The following ZNF236 variants were observed in gnomAD, a reference collection of about 807,000 sequenced individuals.
ZNF236 encodes zinc finger protein 236.
A neutral mutation model predicts 191.2 loss-of-function variants in ZNF236; 50 were observed. The observed-to-expected ratio is 0.26, with a 90% CI of 0.21 to 0.33. ZNF236 has a LOEUF of 0.33. ZNF236 is among the 10% of genes least tolerant of loss of function. ZNF236 has a pLI of 1.00. For synonymous variants in ZNF236, 907 were observed against 928.8 expected, an observed-to-expected ratio of 0.98 and a Z score of 0.43; for missense variants, 1,754 against 2,374.5, an observed-to-expected ratio of 0.74 and a Z score of 5.43.
At chr18:76,836,537 C>T (rs1479262819) in intron 1 of ZNF236, among the ~76,000 whole-genome samples, 2 of 151,718 alleles carry the variant, frequency 1.3e-5, no homozygotes, top group Non-Finnish European at 2.9e-5. Context: ...CTTGATAGTG[C>T]CCTTTGATTC....
In ZNF236 at chr18:76,925,661, T is replaced by G. The variant is rs146565990; in HGVS notation, c.4027+107T>G. 2.2e-4 allele frequency: 307 copies of G among 1,418,964 alleles called. 1 individual carries two copies. In the African/African-American group the frequency reaches 4.0e-3, roughly 19 times the overall value. 87.9% of individuals were successfully genotyped at this position (1,418,964 alleles called of 1,614,324 possible). A position where few individuals can be genotyped will look rare whatever the true frequency, so the allele number is the denominator to read the frequency against. Reference sequence around the variant, plus strand: ...AGATGTTGTTTACCGTAGCACCACGTTTCCCTTCTTTGAGCCTTTTCCTTA... The same window carrying G: ...AGATGTTGTTTACCGTAGCACCACGGTTCCCTTCTTTGAGCCTTTTCCTTA... On this transcript the variant is annotated intron_variant, in intron 22 of 30. Coordinates refer to ENST00000320610, the MANE Select transcript of ZNF236 (RefSeq NM_001306089.2). The surrounding 1 kb of genome is among the most constrained non-coding windows in gnomAD (Gnocchi z 5.7).
intron 27 of ZNF236, among the ~76,000 whole-genome samples, chr18:76,950,596 T>G (rs1207857943): frequency 6.6e-6 from 1 of 152,006 alleles, no homozygotes; most frequent in Non-Finnish European, 1.5e-5. Context: ...TGTTGCCCAT[T>G]CCTCCACATC....
intron 9 of ZNF236, among the ~76,000 whole-genome samples, chr18:76,890,891 C>T (rs1257884438): frequency 6.6e-6 from 1 of 152,068 alleles, no homozygotes; most frequent in Non-Finnish European, 1.5e-5. Context: ...GAGAGCAAGA[C>T]CCCCGACTTC....
In ZNF236 at chr18:76,913,804, G is replaced by T. The variant is rs1967282588; in HGVS notation, c.2967G>T (p.Arg989=). 6.2e-7 allele frequency: 1 copy of T among 1,614,244 alleles called. No individual in the cohort carries two copies. The highest frequency in any genetic ancestry group is 8.5e-7 in the Non-Finnish European group (1 of 1,180,038). Residue 989 remains arginine (R), a synonymous_variant, in exon 18 of 31, where the codon CGG becomes CGT. Coordinates refer to ENST00000320610, the MANE Select transcript of ZNF236 (RefSeq NM_001306089.2). The part of the protein sequence containing the change: ...KKSSHLKQHV[R]SHTGEKPYKC... ...CCAGCCACCTGAAGCAGCATGTGCG[G>T]TCGCACACCGGGGAAAAGCCCTACA...
chr18:76,846,863 C>T (rs900450845), intron 1 of ZNF236, among the ~76,000 whole-genome samples: 5 of 151,758 alleles, frequency 3.3e-5, no homozygotes, highest in South Asian at 4.2e-4. Flanking sequence ...GGTGCAATCT[C>T]GGATCACTGC....
intron 20 of ZNF236, among the ~76,000 whole-genome samples, chr18:76,921,789 T>G (rs1967543482): frequency 7.7e-6 from 1 of 129,222 alleles, no homozygotes. Flanking sequence ...TCGCCCAGGC[T>G]GGAGTGCAGT....
At chr18:76,891,775 T>C (rs1568215313) in intron 9 of ZNF236, among the ~76,000 whole-genome samples, 1 of 152,190 alleles carries the variant, frequency 6.6e-6, no homozygotes, top group Non-Finnish European at 1.5e-5. Flanking sequence ...AGTCATGTTT[T>C]CCCAATTGAA....
rs1466658235 is a variant in ZNF236, at chr18:76,905,249, G to A, written c.2131G>A (p.Gly711Arg). ...CAAAGCACACATCAGAACACACACA[G>A]GACTGAAATCTTTCAAGTGTCTGAT... ...VLKAHIRTHT[G>R]LKSFKCLICN... The change falls in exon 13 of 31, where the codon GGA (glycine) becomes AGA (arginine). Residue 711 changes from glycine (G) to arginine (R), a missense_variant. Gly to Arg is a moderately radical substitution (Grantham distance 125, BLOSUM62 -2). Coordinates refer to ENST00000320610, the MANE Select transcript of ZNF236 (RefSeq NM_001306089.2). 2 of 1,614,066 alleles carry A rather than the reference G, an allele frequency of 1.2e-6. No homozygotes were observed. The highest frequency in any genetic ancestry group is 1.7e-6 in the Non-Finnish European group (2 of 1,180,036).
At chr18:76,931,658 C>T (rs1376830876) in intron 25 of ZNF236, among the ~76,000 whole-genome samples, 1 of 152,132 alleles carries the variant, frequency 6.6e-6, no homozygotes, top group African/African-American at 2.4e-5. Context: ...AGGCAGCTTT[C>T]TAAGATTTTA....
At chr18:76,956,242 C>A in intron 28 of ZNF236, 60 bp downstream of exon 28, 1 of 1,526,202 alleles carries the variant, frequency 6.6e-7, no homozygotes, top group South Asian at 1.2e-5. Flanking sequence ...GATGCGGAGT[C>A]CAAGATTTAA....
intron 26 of ZNF236, among the ~76,000 whole-genome samples, chr18:76,938,852 TGTG>T (rs1968063998): frequency 2.6e-5 from 4 of 152,188 alleles, no homozygotes; most frequent in Admixed American, 1.3e-4. Context: ...GTCAGCCACA[TGTG>T]GTGCTGGGAA....
chr18:76,900,106 T>G (rs964457733), intron 11 of ZNF236, among the ~76,000 whole-genome samples: 1 of 152,244 alleles, frequency 6.6e-6, no homozygotes, highest in Non-Finnish European at 1.5e-5. Context: ...CTAGGAAAGA[T>G]AATTCAATCT....
chr18:76,849,811 T>C, intron 2 of ZNF236, 143 bp downstream of exon 2: 1 of 789,300 alleles, frequency 1.3e-6, no homozygotes, highest in Admixed American at 4.0e-5. Flanking sequence ...ATTTTGGCCT[T>C]TTTAAAAGTT....
At chr18:76,852,617 T>C (rs1304507029) in intron 3 of ZNF236, among the ~76,000 whole-genome samples, 1 of 150,936 alleles carries the variant, frequency 6.6e-6, no homozygotes, top group African/African-American at 2.4e-5. Context: ...CTGGACAACA[T>C]AGTGAGACCC....
chr18:76,864,235 T>C (rs1361788929), intron 3 of ZNF236, among the ~76,000 whole-genome samples: 1 of 151,740 alleles, frequency 6.6e-6, no homozygotes, highest in African/African-American at 2.4e-5. Context: ...AGTCTCACTT[T>C]GTTGCCGAGG....
At position 76,919,025 on chromosome 18, in the gene ZNF236, T is replaced by C. The variant is rs977511178; in HGVS notation, c.3275-751T>C. ...CTTCTTTATAGTAATTGTTTTTAGTTGGGGGCTGTTTGCTAATTTATTAAT... is the reference window on the plus strand; with the variant it reads ...CTTCTTTATAGTAATTGTTTTTAGTCGGGGGCTGTTTGCTAATTTATTAAT... On this transcript the variant is annotated intron_variant, in intron 19 of 30. Transcript: ENST00000320610. The surrounding 1 kb of genome is among the most constrained non-coding windows in gnomAD (Gnocchi z 5.3). Among the ~76,000 whole-genome samples, 4 of 152,210 alleles carry C rather than the reference T, an allele frequency of 2.6e-5. No homozygotes were observed. The highest frequency in any genetic ancestry group is 9.6e-5 in the African/African-American group (4 of 41,458).
intron 26 of ZNF236, among the ~76,000 whole-genome samples, chr18:76,943,252 G>A (rs924114065): frequency 6.6e-6 from 1 of 151,874 alleles, no homozygotes; most frequent in Non-Finnish European, 1.5e-5. Flanking sequence ...GAAGAATATT[G>A]TGGGAGTAAG....
chr18:76,925,322 G>T lies in ZNF236; in HGVS notation c.3795G>T (p.Ser1265=), dbSNP rs777367164. 11 of 1,614,134 alleles carry T rather than the reference G, an allele frequency of 6.8e-6. No homozygotes were observed. Among genetic ancestry groups the T allele is most frequent in the Non-Finnish European group, 8.5e-6 (10 of 1,180,030 alleles). Residue 1265 remains serine (S), a synonymous_variant, in exon 22 of 31, where the codon TCG becomes TCT. Transcript: ENST00000320610. The surrounding 1 kb of genome is among the most constrained non-coding windows in gnomAD (Gnocchi z 5.7). The part of the protein sequence containing the change: ...CPHCELRFRT[S]GRRKTHMQFH... ...ATTGCGAGCTGCGTTTCCGTACCTC[G>T]GGTAGAAGAAAGACACACATGCAGT...
chr18:76,926,584 A>G (rs1221054070), intron 22 of ZNF236, among the ~76,000 whole-genome samples: 2 of 141,036 alleles, frequency 1.4e-5, no homozygotes, highest in African/African-American at 5.3e-5. Context: ...GACAGTGTGT[A>G]TGATTAGACA....
Sources: gnomAD v4.1 joint callset for allele counts (sites outside exome capture counted in the v4.1 genomes callset) on GRCh38, gnomAD v4.1.1 for gene constraint, Gnocchi (gnomAD v3.1) non-coding constraint, MANE v1.5 for transcripts, NCBI Gene and HGNC (gene_info 2026-07-23, HGNC 2026-07-21) for gene names.